The following PFN1 variants were observed in gnomAD, a reference collection of about 807,000 sequenced individuals.
The protein encoded by PFN1 is profilin 1.
Under a neutral mutation model 11.7 loss-of-function variants are expected in PFN1, and 2 were observed. The observed-to-expected ratio is 0.17, with a 90% CI of 0.07 to 0.54. PFN1 has a LOEUF of 0.54. Among genes scored for constraint, PFN1 ranks in the 20% least tolerant of loss-of-function variants. PFN1 has a pLI of 0.94. For missense variants in PFN1, 97 were observed against 188.4 expected, an observed-to-expected ratio of 0.51 and a Z score of 2.84; for synonymous variants, 78 against 76.2, an observed-to-expected ratio of 1.02 and a Z score of -0.12.
intron 1 of PFN1, among the ~76,000 whole-genome samples, chr17:4,947,658 CG>C (rs928726836): frequency 6.6e-6 from 1 of 151,726 alleles, no homozygotes; most frequent in Non-Finnish European, 1.5e-5. Context: ...CGCCGGATGG[CG>C]GGAAGGGAGG....
At chr17:4,947,873 G>A (rs1971439988) in intron 1 of PFN1, among the ~76,000 whole-genome samples, 1 of 152,108 alleles carries the variant, frequency 6.6e-6, no homozygotes, top group Admixed American at 6.5e-5. Flanking sequence ...GCTGGCAGCC[G>A]GACGGGGAGC....
chr17:4,948,240 G>T, intron 1 of PFN1, 23 bp downstream of exon 1: 1 of 1,449,670 alleles, frequency 6.9e-7, no homozygotes, highest in Non-Finnish European at 9.3e-7. Context: ...GCAGTGCCCC[G>T]GACCGCGCAG....
intron 2 of PFN1, 109 bp from the exon 3 acceptor site, chr17:4,946,106 C>G: frequency 1.4e-6 from 1 of 721,810 alleles, no homozygotes; most frequent in Non-Finnish European, 2.5e-6. Context: ...CCAACCTCAT[C>G]TCTCCCAACC....
intron 2 of PFN1, among the ~76,000 whole-genome samples, chr17:4,946,300 G>C (rs1410130975): frequency 6.6e-6 from 1 of 152,210 alleles, no homozygotes; most frequent in Non-Finnish European, 1.5e-5. Context: ...CCACCTCCAG[G>C]TTCTAACAAA....
At chr17:4,947,674 G>A (rs1364387327) in intron 1 of PFN1, among the ~76,000 whole-genome samples, 1 of 152,224 alleles carries the variant, frequency 6.6e-6, no homozygotes, top group Admixed American at 6.5e-5. Flanking sequence ...GGGAGGGCGA[G>A]GGGACTTCCG....
intron 1 of PFN1, 127 bp from the exon 2 acceptor site, chr17:4,946,947 TAC>T (rs1971410630): frequency 7.3e-6 from 5 of 681,942 alleles, no homozygotes; most frequent in Non-Finnish European, 1.2e-5. Flanking sequence ...ATAAATTATA[TAC>T]TCAGTACACA....
rs781405356 is a variant in PFN1 at position 4,948,402 on chromosome 17, CT to C, written c.-9del. The C allele has an allele frequency of 1.1e-5, 17 of 1,598,244 alleles. No individual in the cohort carries two copies. The highest frequency in any genetic ancestry group is 3.3e-4 in the Middle Eastern group (2 of 6,030). ...GGCGTTCCACCCGGCCATGGCGCTG[CT>C]ACTGGGGCTGCTCTCGGCGCTGCTG... On this transcript the variant is annotated 5_prime_UTR_variant, in exon 1 of 3. Transcript: ENST00000225655.
At chr17:4,948,078 G>A (rs939778376) in intron 1 of PFN1, 185 bp downstream of exon 1, 1 of 555,562 alleles carries the variant, frequency 1.8e-6, no homozygotes, top group Admixed American at 4.3e-5. Flanking sequence ...CCGCCGCCTG[G>A]GGCATAGGAC....
chr17:4,945,874 C>A lies in PFN1; in HGVS notation c.*26G>T, dbSNP rs1804220. 8.6e-6 allele frequency: 12 copies of A among 1,387,622 alleles called. No homozygotes were observed. The highest frequency in any genetic ancestry group is 1.2e-5 in the South Asian group (1 of 86,452). 86.0% of individuals were successfully genotyped at this position (1,387,622 alleles called of 1,614,324 possible). On this transcript the variant is annotated 3_prime_UTR_variant, in exon 3 of 3. Coordinates refer to ENST00000225655, the MANE Select transcript of PFN1 (RefSeq NM_005022.4). ...GAAAGGGGTGCAAAGCTGTGGGGAG[C>A]GGTGAAGGGGAAGGGACAGACGAGG...
Position 4,946,890 on chromosome 17 carries a change from C to T in PFN1, c.133-70G>A, listed in dbSNP as rs1298024998. 6 of 1,428,396 alleles carry T rather than the reference C, an allele frequency of 4.2e-6. No homozygotes were observed. In the South Asian group the frequency reaches 6.5e-5, roughly 16 times the overall value. The allele number at this position is 1,428,396 out of a possible 1,614,324, so 88.5% of individuals were successfully genotyped here. The stretch of plus-strand genomic sequence containing the variant: ...GATTCCCACCGTGTTCTCCAAAGAC[C>T]CACCTGTCTTCCACTTCTGAGAACC... On this transcript the variant is annotated intron_variant, in intron 1 of 2. Transcript: ENST00000225655.
chr17:4,945,890 A>G lies in PFN1; in HGVS notation c.*10T>C, dbSNP rs1374058259. On this transcript the variant is annotated 3_prime_UTR_variant, in exon 3 of 3. Coordinates refer to ENST00000225655, the MANE Select transcript of PFN1 (RefSeq NM_005022.4). Reference sequence around the variant, plus strand: ...TGTGGGGAGCGGTGAAGGGGAAGGGACAGACGAGGTCAGTACTGGGAACGC... The same window carrying G: ...TGTGGGGAGCGGTGAAGGGGAAGGGGCAGACGAGGTCAGTACTGGGAACGC... The G allele has an allele frequency of 1.4e-5, 21 of 1,539,062 alleles. No homozygotes were observed. Among genetic ancestry groups the G allele is most frequent in the Non-Finnish European group, 1.9e-5 (21 of 1,111,918 alleles).
At chr17:4,948,019 C>T in intron 1 of PFN1, 1 of 437,918 alleles carries the variant, frequency 2.3e-6, no homozygotes, top group South Asian at 3.8e-5. Flanking sequence ...CCCTGTGCCC[C>T]GGATGTAACG....
chr17:4,948,432 G>A lies in PFN1; in HGVS notation c.-38C>T, dbSNP rs773355109. ...GGGGCTGCTCTCGGCGCTGCTGCTG[G>A]GGCCGCGGACTGGGCTCGAGCTGCC... On this transcript the variant is annotated 5_prime_UTR_variant, in exon 1 of 3. Coordinates refer to ENST00000225655, the MANE Select transcript of PFN1 (RefSeq NM_005022.4). 2.6e-6 allele frequency: 4 copies of A among 1,564,896 alleles called. No homozygotes were observed. The highest frequency in any genetic ancestry group is 1.2e-5 in the South Asian group (1 of 86,760).
intron 1 of PFN1, chr17:4,948,053 CG>C: frequency 2.0e-6 from 1 of 488,410 alleles, no homozygotes; most frequent in African/African-American, 2.0e-5. Flanking sequence ...AGCGGGGTAG[CG>C]GGCGGGATGG....
In PFN1 at chr17:4,945,687, A is replaced by C. The variant is rs543229238; in HGVS notation, c.*213T>G. 46 of 471,054 alleles carry C rather than the reference A, an allele frequency of 9.8e-5. No homozygotes were observed. The highest frequency in any genetic ancestry group is 5.7e-4 in the Middle Eastern group (1 of 1,766). 29.2% of individuals were successfully genotyped at this position (471,054 alleles called of 1,614,324 possible). The stretch of plus-strand genomic sequence containing the variant: ...AATCTTTTTTATTCAGAAAAAAAAA[A>C]CCCCAAAAAACAAAAGTTTTCCAAC... On this transcript the variant is annotated 3_prime_UTR_variant, in exon 3 of 3. Coordinates refer to ENST00000225655, the MANE Select transcript of PFN1 (RefSeq NM_005022.4).
chr17:4,947,970 G>A (rs1031753293), intron 1 of PFN1: 9 of 320,800 alleles, frequency 2.8e-5, no homozygotes, highest in African/African-American at 1.3e-4. Flanking sequence ...TGGGAGAGGC[G>A]GAAGTGGGCC....
intron 1 of PFN1, 69 bp from the exon 2 acceptor site, chr17:4,946,889 C>G (rs779455081): frequency 7.0e-7 from 1 of 1,433,962 alleles, no homozygotes; most frequent in East Asian, 2.3e-5. Flanking sequence ...TCTCCAAAGA[C>G]CCACCTGTCT....
At position 4,945,776 on chromosome 17, in the gene PFN1, T is replaced by A. The variant is rs932033689; in HGVS notation, c.*124A>T. 3.1e-6 allele frequency: 2 copies of A among 640,640 alleles called. No individual in the cohort carries two copies. The highest frequency in any genetic ancestry group is 5.8e-6 in the Non-Finnish European group (2 of 344,910). 39.7% of individuals were successfully genotyped at this position (640,640 alleles called of 1,614,324 possible). A position where few individuals can be genotyped will look rare whatever the true frequency, so the allele number is the denominator to read the frequency against. On this transcript the variant is annotated 3_prime_UTR_variant, in exon 3 of 3. Coordinates refer to ENST00000225655, the MANE Select transcript of PFN1 (RefSeq NM_005022.4). ...CCATCCAGCCCTGGCCCCCAGCCCATGTGGTTTTGGCAGCAATAAGGGGTA... is the reference window on the plus strand; with the variant it reads ...CCATCCAGCCCTGGCCCCCAGCCCAAGTGGTTTTGGCAGCAATAAGGGGTA...
Position 4,948,521 on chromosome 17 carries a change from C to A in PFN1, c.-127G>T, listed in dbSNP as rs751079083. 2.8e-6 allele frequency: 3 copies of A among 1,085,116 alleles called. No individual in the cohort carries two copies. Among genetic ancestry groups the A allele is most frequent in the Non-Finnish European group, 3.7e-6 (3 of 807,356 alleles). 67.2% of individuals were successfully genotyped at this position (1,085,116 alleles called of 1,614,324 possible). A position where few individuals can be genotyped will look rare whatever the true frequency, so the allele number is the denominator to read the frequency against. The stretch of plus-strand genomic sequence containing the variant: ...CGCGCTGCCGTCCGGACCGCGGCTC[C>A]GCTCGCTGTGCAGCAGCCCTCGCAC... On this transcript the variant is annotated 5_prime_UTR_variant, in exon 1 of 3. Coordinates refer to ENST00000225655, the MANE Select transcript of PFN1 (RefSeq NM_005022.4).
Sources: gnomAD v4.1 joint callset for allele counts (sites outside exome capture counted in the v4.1 genomes callset) on GRCh38, gnomAD v4.1.1 for gene constraint, MANE v1.5 for transcripts, NCBI Gene and HGNC (gene_info 2026-07-23, HGNC 2026-07-21) for gene names.